SUDS3: variants seen among roughly 807,000 people sequenced by gnomAD.
The protein encoded by SUDS3 is SIN3A corepressor complex component SDS3, also known as sin3 histone deacetylase corepressor complex component SDS3.
A neutral mutation model predicts 53.5 loss-of-function variants in SUDS3; 23 were observed. That is an observed-to-expected ratio of 0.43 (90% CI 0.31 to 0.61). The LOEUF (loss-of-function observed/expected upper bound fraction) is 0.61. Among genes scored for constraint, SUDS3 ranks in the 20% least tolerant of loss-of-function variants. The pLI is 0.10. For synonymous variants in SUDS3, 150 were observed against 148.5 expected, an observed-to-expected ratio of 1.01 and a Z score of -0.08; for missense variants, 291 against 405.9, an observed-to-expected ratio of 0.72 and a Z score of 2.43.
chr12:118,409,403 C>T (rs2046338925), intron 10 of SUDS3, among the ~76,000 whole-genome samples: 2 of 152,314 alleles, frequency 1.3e-5, no homozygotes, highest in South Asian at 4.1e-4. Context: ...CCTTGGCCTC[C>T]CAAAGTGCTG....
chr12:118,380,226 G>GGAACA lies in SUDS3; in HGVS notation c.209_212+1dup. The GGAACA allele has an allele frequency of 3.7e-6, 6 of 1,605,188 alleles. No individual in the cohort carries two copies. The highest frequency in any genetic ancestry group is 5.1e-6 in the Non-Finnish European group (6 of 1,175,644). ...ATGAAGAAGACTATGTAGAAATGAA[G>GGAACA]GAACAGTGAGTATGATATGCCTATG... On this transcript the variant is annotated frameshift_variant, in exon 2 of 12. Transcript: ENST00000543473. LOFTEE classifies it high-confidence loss of function.
In SUDS3 at chr12:118,395,970, G is replaced by A. The variant is rs549052657; in HGVS notation, c.517+4688G>A. On this transcript the variant is annotated intron_variant, in intron 6 of 11. Coordinates refer to ENST00000543473, the MANE Select transcript of SUDS3 (RefSeq NM_022491.3). The stretch of plus-strand genomic sequence containing the variant: ...GCTGGGATTACAGACATGAACCACC[G>A]TGCCCAGCCCTAACATTCATTCTTA... Among the ~76,000 whole-genome samples, 16 of 152,192 alleles carry A rather than the reference G, an allele frequency of 1.1e-4. No homozygotes were observed. The South Asian group carries it at 1.2e-3, about 12-fold the overall frequency.
chr12:118,412,188 A>C (rs896774022), intron 11 of SUDS3, among the ~76,000 whole-genome samples: 3 of 152,170 alleles, frequency 2.0e-5, no homozygotes, highest in African/African-American at 7.2e-5. Context: ...GAGTTCTCCA[A>C]GTGGTCTTTC....
intron 10 of SUDS3, among the ~76,000 whole-genome samples, chr12:118,408,951 G>A (rs2046333074): frequency 1.3e-5 from 2 of 152,094 alleles, no homozygotes; most frequent in South Asian, 2.1e-4. Flanking sequence ...TGGCTCAGAT[G>A]TGAGAGAGAA....
intron 3 of SUDS3, 55 bp downstream of exon 3, chr12:118,384,122 C>T: frequency 6.5e-7 from 1 of 1,537,736 alleles, no homozygotes; most frequent in Middle Eastern, 1.8e-4. Context: ...TATTACAAAC[C>T]CTTGAAATCT....
At chr12:118,381,181 T>A (rs1400058971) in intron 2 of SUDS3, among the ~76,000 whole-genome samples, 1 of 151,278 alleles carries the variant, frequency 6.6e-6, no homozygotes, top group Non-Finnish European at 1.5e-5. Context: ...CTGACTCTTA[T>A]TTATTTATTT....
chr12:118,408,482 C>T (rs1301744731), intron 10 of SUDS3, among the ~76,000 whole-genome samples: 1 of 151,952 alleles, frequency 6.6e-6, no homozygotes, highest in African/African-American at 2.4e-5. Context: ...TACAAGCGCA[C>T]ACCACCATGC....
At position 118,385,356 on chromosome 12, in the gene SUDS3, A is replaced by C. The variant is rs1280127176; in HGVS notation, c.269-758A>C. 9.9e-5 allele frequency among the ~76,000 whole-genome samples: 15 copies of C among 152,140 alleles called. No individual in the cohort carries two copies. The South Asian group carries it at 2.1e-3, about 21-fold the overall frequency. The stretch of plus-strand genomic sequence containing the variant: ...ACTCCTGAACTCAGGTGATCCGCCC[A>C]CCTCAGCCTCTCAAAGTGCTGGGAT... On this transcript the variant is annotated intron_variant, in intron 3 of 11. Coordinates refer to ENST00000543473, the MANE Select transcript of SUDS3 (RefSeq NM_022491.3).
intron 6 of SUDS3, among the ~76,000 whole-genome samples, chr12:118,396,955 G>A (rs980297054): frequency 7.2e-5 from 11 of 152,256 alleles, no homozygotes; most frequent in Middle Eastern, 3.4e-3. Context: ...AGGAGGATTT[G>A]CACTATTAAA....
At chr12:118,385,160 G>C (rs985471032) in intron 3 of SUDS3, among the ~76,000 whole-genome samples, 4 of 151,906 alleles carry the variant, frequency 2.6e-5, no homozygotes, top group African/African-American at 9.7e-5. Context: ...CCCAGGTGGA[G>C]GGCAGTGGCG....
Position 118,414,566 on chromosome 12 carries a change from C to A in SUDS3, c.*133C>A. The A allele has an allele frequency of 2.8e-6, 2 of 705,762 alleles. No individual in the cohort carries two copies. Among genetic ancestry groups the A allele is most frequent in the Non-Finnish European group, 4.4e-6 (2 of 450,204 alleles). 43.7% of individuals were successfully genotyped at this position (705,762 alleles called of 1,614,324 possible). On this transcript the variant is annotated 3_prime_UTR_variant, in exon 12 of 12. Transcript: ENST00000543473. Reference sequence around the variant, plus strand: ...TCAGCCTTGGAAATGGAGAGCACTGCAGTGAATTCTTTAGGGCACTTTTGT... The same window carrying A: ...TCAGCCTTGGAAATGGAGAGCACTGAAGTGAATTCTTTAGGGCACTTTTGT...
chr12:118,405,753 G>A (rs577082848), intron 10 of SUDS3, among the ~76,000 whole-genome samples: 18 of 152,324 alleles, frequency 1.2e-4, no homozygotes, highest in African/African-American at 3.4e-4. Flanking sequence ...TGGCTGAGGT[G>A]TTCACTGGTG....
chr12:118,381,733 C>T (rs768973266), intron 2 of SUDS3, among the ~76,000 whole-genome samples: 2 of 151,448 alleles, frequency 1.3e-5, no homozygotes, highest in Non-Finnish European at 3.0e-5. Context: ...TGCACCTGCT[C>T]TCACCCAAAC....
chr12:118,397,857 C>T (rs115039530), intron 6 of SUDS3, among the ~76,000 whole-genome samples: 1,565 of 152,244 alleles, frequency 0.01, 18 homozygotes, highest in African/African-American at 0.035. Flanking sequence ...ATTGTCCACC[C>T]TCCCCACTCC....
chr12:118,385,826 C>T (rs974010444), intron 3 of SUDS3, among the ~76,000 whole-genome samples: 3 of 152,144 alleles, frequency 2.0e-5, no homozygotes, highest in Non-Finnish European at 4.4e-5. Context: ...CCCGTTGATT[C>T]AGACTGTTGC....
chr12:118,380,076 G>A, intron 1 of SUDS3, 86 bp from the exon 2 acceptor site: 5 of 1,074,482 alleles, frequency 4.7e-6, no homozygotes, highest in Non-Finnish European at 7.0e-6. Context: ...TTTTACGGGA[G>A]TTTATTGAGT....
intron 7 of SUDS3, among the ~76,000 whole-genome samples, 185 bp from the exon 8 acceptor site, chr12:118,401,574 T>G (rs1307051300): frequency 2.0e-5 from 3 of 152,254 alleles, no homozygotes; most frequent in African/African-American, 4.8e-5. Context: ...GTGAATTCTT[T>G]TATGTATTGA....
rs746426545 is a variant in SUDS3, at chr12:118,401,806, A to G, written c.661A>G (p.Arg221Gly). Residue 221 changes from arginine (R) to glycine (G), a missense_variant, in exon 8 of 12, where the codon AGA becomes GGA. By Grantham distance (125) the Arg-to-Gly change is moderately radical. Coordinates refer to ENST00000543473, the MANE Select transcript of SUDS3 (RefSeq NM_022491.3). Reference sequence around the variant, plus strand: ...AGATGAACAGATCATGGAGGATCTGAGAACATTAAATAAGGTACGGTTTGA... The same window carrying G: ...AGATGAACAGATCATGGAGGATCTGGGAACATTAAATAAGGTACGGTTTGA... ...LTDEQIMEDL[R>G]TLNKLKSPKR... is the part of the protein sequence containing the mutation. 2 of 1,613,740 alleles carry G rather than the reference A, an allele frequency of 1.2e-6. No homozygotes were observed. Among genetic ancestry groups the G allele is most frequent in the African/African-American group, 2.7e-5 (2 of 74,932 alleles).
Position 118,386,196 on chromosome 12 carries a change from T to C in SUDS3, c.340+11T>C, listed in dbSNP as rs771196893. On this transcript the variant is annotated intron_variant, in intron 4 of 11. Coordinates refer to ENST00000543473, the MANE Select transcript of SUDS3 (RefSeq NM_022491.3). ...GGATACGGAATGCAGGTAAGGCTCC[T>C]TTAAATGGCAATGAATCATCTTTCA... 6.3e-7 allele frequency: 1 copy of C among 1,585,630 alleles called. No individual in the cohort carries two copies. Among genetic ancestry groups the C allele is most frequent in the Non-Finnish European group, 8.6e-7 (1 of 1,164,026 alleles).
Sources: gnomAD v4.1 joint callset for allele counts (sites outside exome capture counted in the v4.1 genomes callset) on GRCh38, gnomAD v4.1.1 for gene constraint, MANE v1.5 for transcripts, NCBI Gene and HGNC (gene_info 2026-07-23, HGNC 2026-07-21) for gene names.